The following GRIK1 variants were observed in gnomAD, a reference collection of about 807,000 sequenced individuals.
GRIK1 encodes the protein glutamate ionotropic receptor kainate type subunit 1, also known as glutamate receptor ionotropic, kainate 1.
A neutral mutation model predicts 105.7 loss-of-function variants in GRIK1; 69 were observed. The observed-to-expected ratio is 0.65, with a 90% CI of 0.54 to 0.80. The LOEUF is 0.80. Ranked by LOEUF, GRIK1 falls within the 30% of genes least tolerant of loss-of-function variation. The pLI, the probability that GRIK1 is intolerant of heterozygous loss-of-function variation, is 0.00. For missense variants in GRIK1, 1,109 were observed against 1,167.3 expected, an observed-to-expected ratio of 0.95 and a Z score of 0.73; for synonymous variants, 438 against 431.3, an observed-to-expected ratio of 1.02 and a Z score of -0.19.
In GRIK1 at chr21:29,679,242, C is replaced by G. The variant is rs892875395; in HGVS notation, c.545-6078G>C. 3.3e-5 allele frequency among the ~76,000 whole-genome samples: 5 copies of G among 152,248 alleles called. No homozygotes were observed. The South Asian group carries it at 1.0e-3, about 32-fold the overall frequency. On this transcript the variant is annotated intron_variant, in intron 3 of 17. Coordinates refer to ENST00000327783, the MANE Select transcript of GRIK1 (RefSeq NM_001330994.2). ...TATTCTCATTTCAAATTAATCCTTA[C>G]AGTAAAGCTCGGAGACTATATTTGA...
At chr21:29,786,344 A>C (rs1239279436) in intron 1 of GRIK1, among the ~76,000 whole-genome samples, 1 of 152,198 alleles carries the variant, frequency 6.6e-6, no homozygotes, top group Non-Finnish European at 1.5e-5. Flanking sequence ...GGAAAATGCA[A>C]GATTAATGTC....
At chr21:29,700,978 T>C (rs191088371) in intron 1 of GRIK1, among the ~76,000 whole-genome samples, 15 of 152,342 alleles carry the variant, frequency 9.8e-5, no homozygotes, top group Non-Finnish European at 1.9e-4. Context: ...CAACTTACCT[T>C]GTAATGGTAA....
In GRIK1 at chr21:29,561,674, T is replaced by C; in HGVS notation, c.2306A>G (p.Gln769Arg). The part of the protein sequence containing the change: ...YVTQRNCNLT[Q>R]IGGLIDSKGY... The stretch of plus-strand genomic sequence containing the variant: ...TTTGGAGTCAATGAGGCCCCCGATC[T>C]GAGTGAGGTTGCAGTTTCTCTGCGT... The change falls in exon 15 of 18, where the codon CAG becomes CGG. Residue 769 changes from glutamine (Q) to arginine (R), a missense_variant. By Grantham distance (43) the Gln-to-Arg change is conservative (BLOSUM62 1). Coordinates refer to ENST00000327783, the MANE Select transcript of GRIK1 (RefSeq NM_001330994.2). The C allele has an allele frequency of 1.2e-6, 2 of 1,614,128 alleles. No individual in the cohort carries two copies. Among genetic ancestry groups the C allele is most frequent in the Middle Eastern group, 1.6e-4 (1 of 6,062 alleles).
chr21:29,834,655 A>C (rs1015442327), intron 1 of GRIK1, among the ~76,000 whole-genome samples: 1 of 151,346 alleles, frequency 6.6e-6, no homozygotes. Context: ...TCAGCTTTCT[A>C]ATATATAACA....
chr21:29,801,662 T>G (rs2066714623), intron 1 of GRIK1, among the ~76,000 whole-genome samples: 1 of 152,166 alleles, frequency 6.6e-6, no homozygotes, highest in African/African-American at 2.4e-5. Context: ...GGACATATTT[T>G]CAATTAATTT....
rs1443446564 is a variant in GRIK1, at chr21:29,601,149, G to A, written c.1099-2212C>T. ...GGCAGACAGCCCTCTCCACGTGAGT[G>A]GGTACCATTCAATTCATGTAGAGCC... On this transcript the variant is annotated intron_variant, in intron 7 of 17. Transcript: ENST00000327783. The A allele has an allele frequency of 1.3e-5, 6 of 461,658 alleles. No individual in the cohort carries two copies. In the East Asian group the frequency reaches 3.4e-4, roughly 27 times the overall value. The allele number at this position is 461,658 out of a possible 1,614,324, so 28.6% of individuals were successfully genotyped here.
intron 1 of GRIK1, among the ~76,000 whole-genome samples, chr21:29,810,134 CT>C (rs2066972461): frequency 6.6e-6 from 1 of 151,880 alleles, no homozygotes; most frequent in African/African-American, 2.4e-5. Context: ...CCCATCTCTA[CT>C]AAAAATACAA....
At chr21:29,785,513 A>C (rs2066234081) in intron 1 of GRIK1, among the ~76,000 whole-genome samples, 1 of 149,468 alleles carries the variant, frequency 6.7e-6, no homozygotes, top group African/African-American at 2.5e-5. Flanking sequence ...GCAGTGGGCC[A>C]AGATTGCATC....
chr21:29,615,706 T>C (rs2061834793), intron 7 of GRIK1, among the ~76,000 whole-genome samples: 1 of 152,278 alleles, frequency 6.6e-6, no homozygotes, highest in Non-Finnish European at 1.5e-5. Context: ...AATACTGCTA[T>C]AATTTCAGAA....
At chr21:29,607,035 G>A (rs2061636834) in intron 7 of GRIK1, among the ~76,000 whole-genome samples, 1 of 152,128 alleles carries the variant, frequency 6.6e-6, no homozygotes, top group African/African-American at 2.4e-5. Flanking sequence ...GTATTTGACT[G>A]CTAGGCAAGT....
At chr21:29,935,617 C>T (rs1300198024) in intron 1 of GRIK1, among the ~76,000 whole-genome samples, 2 of 152,132 alleles carry the variant, frequency 1.3e-5, no homozygotes, top group African/African-American at 4.8e-5. Context: ...ATTTGGACCT[C>T]TCTCAAGGAA....
chr21:29,559,123 G>A (rs2090330221), intron 15 of GRIK1, among the ~76,000 whole-genome samples: 1 of 152,136 alleles, frequency 6.6e-6, no homozygotes, highest in South Asian at 2.1e-4. Context: ...ATTTAGTCTA[G>A]AGATGGTTCT....
At chr21:29,646,412 C>CT (rs751525885) in intron 6 of GRIK1, among the ~76,000 whole-genome samples, 14 of 152,224 alleles carry the variant, frequency 9.2e-5, no homozygotes, top group Non-Finnish European at 1.8e-4. Flanking sequence ...TGTGGACTCT[C>CT]TGTCACTTTT....
intron 1 of GRIK1, among the ~76,000 whole-genome samples, chr21:29,790,081 C>T (rs928759224): frequency 3.3e-5 from 5 of 152,074 alleles, no homozygotes; most frequent in African/African-American, 4.8e-5. Context: ...GGTGGAGTCT[C>T]GCTGTATCAC....
intron 15 of GRIK1, 68 bp downstream of exon 15, chr21:29,561,556 C>A (rs1372512370): frequency 2.5e-5 from 25 of 998,788 alleles, no homozygotes; most frequent in Non-Finnish European, 3.8e-5. Flanking sequence ...GAACTCTGAG[C>A]CCATTGCCTT....
rs1166988733 is a variant in GRIK1, at chr21:29,707,409, G to A, written c.119-13346C>T. On this transcript the variant is annotated intron_variant, in intron 1 of 17. Transcript: ENST00000327783. Reference sequence around the variant, plus strand: ...GAAATAGTTAAGATGACTCTATCCGGCTTTCTTTCTTTCTTTCCCTTCCTC... The same window carrying A: ...GAAATAGTTAAGATGACTCTATCCGACTTTCTTTCTTTCTTTCCCTTCCTC... Among the ~76,000 whole-genome samples the A allele has an allele frequency of 6.9e-5, 3 of 43,682 alleles. No homozygotes were observed. The East Asian group carries it at 1.9e-3, about 28-fold the overall frequency. 28.7% of individuals were successfully genotyped at this position (43,682 alleles called of 152,430 possible).
chr21:29,666,263 C>T (rs1442448641), intron 4 of GRIK1, among the ~76,000 whole-genome samples: 3 of 152,028 alleles, frequency 2.0e-5, no homozygotes, highest in South Asian at 4.1e-4. Flanking sequence ...ATTAGCTGGG[C>T]GTTGTGGTGC....
At chr21:29,918,921 G>A (rs940885062) in intron 1 of GRIK1, among the ~76,000 whole-genome samples, 1 of 152,020 alleles carries the variant, frequency 6.6e-6, no homozygotes, top group African/African-American at 2.4e-5. Context: ...GAAGGTGACT[G>A]TAAGAGTATT....
At chr21:29,816,420 A>G (rs562682017) in intron 1 of GRIK1, among the ~76,000 whole-genome samples, 3 of 152,248 alleles carry the variant, frequency 2.0e-5, no homozygotes, top group Non-Finnish European at 4.4e-5. Context: ...TAAAAATACC[A>G]CACAATCCAT....
Sources: gnomAD v4.1 joint callset for allele counts (sites outside exome capture counted in the v4.1 genomes callset) on GRCh38, gnomAD v4.1.1 for gene constraint, MANE v1.5 for transcripts, NCBI Gene and HGNC (gene_info 2026-07-23, HGNC 2026-07-21) for gene names.